MAP2K5: variants seen among roughly 807,000 people sequenced by gnomAD.
MAP2K5 encodes mitogen-activated protein kinase kinase 5, also known as dual specificity mitogen-activated protein kinase kinase 5.
In MAP2K5, 49 loss-of-function variants were observed where a neutral mutation model predicts 83.1. That is an observed-to-expected ratio of 0.59 (90% CI 0.47 to 0.75). The LOEUF (loss-of-function observed/expected upper bound fraction) is 0.75. Among genes scored for constraint, MAP2K5 ranks in the 30% least tolerant of loss-of-function variants. The pLI, the probability that MAP2K5 is intolerant of heterozygous loss-of-function variation, is 0.00. For synonymous variants in MAP2K5, 202 were observed against 191.8 expected (o/e 1.05, Z -0.44); for missense variants, 457 against 557.5 (o/e 0.82, Z 1.82).
rs1279946107 is a variant in MAP2K5, at chr15:67,565,717, T to C, written c.252+2367T>C. On this transcript the variant is annotated intron_variant, in intron 3 of 21. Transcript: ENST00000178640. This position sits in a 1 kb window ranked among gnomAD's most constrained non-coding sequence, Gnocchi z 4.1. Reference sequence around the variant, plus strand: ...TCCTTAGTTTAAAAGTTTCTGAGATTACTTGGGTCCACTTTTTTTTATCTG... The same window carrying C: ...TCCTTAGTTTAAAAGTTTCTGAGATCACTTGGGTCCACTTTTTTTTATCTG... Among the ~76,000 whole-genome samples the C allele has an allele frequency of 1.3e-5, 2 of 152,238 alleles. No individual in the cohort carries two copies. Among genetic ancestry groups the C allele is most frequent in the African/African-American group, 4.8e-5 (2 of 41,462 alleles).
At chr15:67,554,013 C>A (rs2084571154) in intron 2 of MAP2K5, among the ~76,000 whole-genome samples, 1 of 147,708 alleles carries the variant, frequency 6.8e-6, no homozygotes. Context: ...TATAATGGAA[C>A]AACCCTTGAA....
rs539731083 is a variant in MAP2K5 at position 67,746,729 on chromosome 15, G to A, written c.1075-1502G>A. On this transcript the variant is annotated intron_variant, in intron 17 of 21. Coordinates refer to ENST00000178640, the MANE Select transcript of MAP2K5 (RefSeq NM_145160.3). The surrounding 1 kb of genome is among the most constrained non-coding windows in gnomAD (Gnocchi z 4.1). ...AACATAGACTAAGCCAGTCAACCTG[G>A]GACAGAGGTTTCTGAAAGTAGTGAT... Among the ~76,000 whole-genome samples the A allele has an allele frequency of 2.8e-4, 42 of 152,270 alleles. No individual in the cohort carries two copies. The highest frequency in any genetic ancestry group is 9.9e-4 in the African/African-American group (41 of 41,538).
At chr15:67,609,178 A>G (rs1331314179) in intron 8 of MAP2K5, among the ~76,000 whole-genome samples, 1 of 152,172 alleles carries the variant, frequency 6.6e-6, no homozygotes, top group Non-Finnish European at 1.5e-5. Flanking sequence ...GCATTCAGTT[A>G]CCATAAAAAC....
At chr15:67,765,712 C>G (rs1054297266) in intron 19 of MAP2K5, among the ~76,000 whole-genome samples, 1 of 152,092 alleles carries the variant, frequency 6.6e-6, no homozygotes, top group African/African-American at 2.4e-5. Context: ...GGAATTGGAC[C>G]TCTTCCTGCC....
chr15:67,789,624 G>A (rs2090479662), intron 21 of MAP2K5, among the ~76,000 whole-genome samples: 1 of 151,822 alleles, frequency 6.6e-6, no homozygotes. Flanking sequence ...TGAGGCAGGA[G>A]AATTGCTTGA....
At chr15:67,635,612 C>G (rs1049440187) in intron 9 of MAP2K5, among the ~76,000 whole-genome samples, 1 of 152,110 alleles carries the variant, frequency 6.6e-6, no homozygotes, top group Non-Finnish European at 1.5e-5. Context: ...TTCCTTCTGT[C>G]TGAATGACTT....
intron 8 of MAP2K5, among the ~76,000 whole-genome samples, chr15:67,621,434 G>GAAAAAAAAAAAAAAAAAAAAAAAAAATAA (rs11449678): frequency 8.4e-6 from 1 of 118,990 alleles, no homozygotes; most frequent in Non-Finnish European, 1.7e-5. Flanking sequence ...ACAAAAGTTT[G>GAAAAAAAAAAAAAAAAAAAAAAAAAATAA]AAAAAAAAAA....
intron 16 of MAP2K5, among the ~76,000 whole-genome samples, chr15:67,725,648 CT>C (rs1386960366): frequency 1.3e-5 from 2 of 152,166 alleles, no homozygotes; most frequent in Non-Finnish European, 2.9e-5. Context: ...AGTTATTAAG[CT>C]ATTAGCTTTT....
At chr15:67,621,434 G>GAAA (rs11449678) in intron 8 of MAP2K5, among the ~76,000 whole-genome samples, 8 of 118,968 alleles carry the variant, frequency 6.7e-5, no homozygotes, top group East Asian at 2.3e-4. Context: ...ACAAAAGTTT[G>GAAA]AAAAAAAAAA....
At position 67,562,308 on chromosome 15, in the gene MAP2K5, C is replaced by G. The variant is rs1402422033; in HGVS notation, c.185-975C>G. On this transcript the variant is annotated intron_variant, in intron 2 of 21. Coordinates refer to ENST00000178640, the MANE Select transcript of MAP2K5 (RefSeq NM_145160.3). This position sits in a 1 kb window ranked among gnomAD's most constrained non-coding sequence, Gnocchi z 4.1. ...TAGCCATAAGTCATTCTTAGACATG[C>G]TTGGCAGATGATGTGGGTAAGTGAT... Among the ~76,000 whole-genome samples the G allele has an allele frequency of 6.6e-6, 1 of 152,156 alleles. No homozygotes were observed. Among genetic ancestry groups the G allele is most frequent in the African/African-American group, 2.4e-5 (1 of 41,432 alleles).
Position 67,785,992 on chromosome 15 carries a change from C to T in MAP2K5, c.1242+13240C>T. On this transcript the variant is annotated intron_variant, in intron 21 of 21. Coordinates refer to ENST00000178640, the MANE Select transcript of MAP2K5 (RefSeq NM_145160.3). The surrounding 1 kb of genome is among the most constrained non-coding windows in gnomAD (Gnocchi z 4.4). Reference sequence around the variant, plus strand: ...TAAAATGGGGTAATGATACCAACTTCACAGGGGGCTTTTAGCTGTTAGGTT... The same window carrying T: ...TAAAATGGGGTAATGATACCAACTTTACAGGGGGCTTTTAGCTGTTAGGTT... Among the ~76,000 whole-genome samples the T allele has an allele frequency of 6.7e-6, 1 of 150,152 alleles. No homozygotes were observed. The highest frequency in any genetic ancestry group is 1.5e-5 in the Non-Finnish European group (1 of 67,750).
intron 6 of MAP2K5, among the ~76,000 whole-genome samples, chr15:67,590,863 G>C (rs2085394163): frequency 6.6e-6 from 1 of 152,134 alleles, no homozygotes; most frequent in Non-Finnish European, 1.5e-5. Flanking sequence ...GGAACCCTTA[G>C]CATATGCCAA....
rs1296479702 is a variant in MAP2K5 at position 67,563,293 on chromosome 15, A to G, written c.195A>G (p.Glu65=). ...TGTGCTTTTAAACAGATGAAGATGA[A>G]GATGGTGATCGAATTACAGTGAGAA... ...ATTTAFEYED[E]DGDRITVRSD... The change falls in exon 3 of 22, where the codon GAA becomes GAG. Residue 65 remains glutamate (E), a synonymous_variant. Transcript: ENST00000178640. The surrounding 1 kb of genome is among the most constrained non-coding windows in gnomAD (Gnocchi z 4.5). 6.2e-7 allele frequency: 1 copy of G among 1,610,938 alleles called. No homozygotes were observed. The highest frequency in any genetic ancestry group is 8.5e-7 in the Non-Finnish European group (1 of 1,178,584).
At chr15:67,575,411 G>A (rs2085033334) in intron 3 of MAP2K5, among the ~76,000 whole-genome samples, 1 of 152,132 alleles carries the variant, frequency 6.6e-6, no homozygotes, top group Admixed American at 6.6e-5. Flanking sequence ...GCCAAAGAAA[G>A]AGCCAGAGGT....
intron 8 of MAP2K5, among the ~76,000 whole-genome samples, chr15:67,617,768 T>C (rs1334248487): frequency 1.3e-5 from 2 of 152,226 alleles, no homozygotes; most frequent in Non-Finnish European, 2.9e-5. Context: ...CATGGCTTAC[T>C]GTAGCATCAA....
rs544040019 is a variant in MAP2K5, at chr15:67,612,836, A to G, written c.545+12087A>G. On this transcript the variant is annotated intron_variant, in intron 8 of 21. Transcript: ENST00000178640. ...TAAAGCACAGGCATTTACATGGTGT[A>G]ATTTCCCTAAATTGCCAATGAGCCC... Among the ~76,000 whole-genome samples, 14 of 152,334 alleles carry G rather than the reference A, an allele frequency of 9.2e-5. No individual in the cohort carries two copies. The South Asian group carries it at 2.5e-3, about 27-fold the overall frequency.
intron 8 of MAP2K5, among the ~76,000 whole-genome samples, chr15:67,605,599 A>G (rs1368257498): frequency 3.9e-5 from 6 of 152,168 alleles, no homozygotes; most frequent in African/African-American, 7.2e-5. Flanking sequence ...CCATTTTACC[A>G]CTGAAAAAAC....
chr15:67,714,157 A>T (rs1237484077), intron 16 of MAP2K5, among the ~76,000 whole-genome samples: 1 of 152,190 alleles, frequency 6.6e-6, no homozygotes, highest in African/African-American at 2.4e-5. Flanking sequence ...GAGGCAGAAG[A>T]TAAACAATAA....
chr15:67,611,756 TGCCATTCC>T (rs1462313972), intron 8 of MAP2K5, among the ~76,000 whole-genome samples: 2 of 152,202 alleles, frequency 1.3e-5, no homozygotes, highest in Admixed American at 1.3e-4. Context: ...CCTTTCCCAA[TGCCATTCC>T]TGGTAAATAA....
Sources: allele counts gnomAD v4.1 joint callset (sites outside exome capture counted in the v4.1 genomes callset), GRCh38; gene constraint gnomAD v4.1.1; non-coding constraint Gnocchi (gnomAD v3.1); transcripts MANE v1.5; gene names NCBI Gene and HGNC (gene_info 2026-07-23, HGNC 2026-07-21).